TMTC2: variants seen among roughly 807,000 people sequenced by gnomAD.
The protein encoded by TMTC2 is transmembrane O-mannosyltransferase targeting cadherins 2, also known as protein O-mannosyl-transferase TMTC2.
A neutral mutation model predicts 82.4 loss-of-function variants in TMTC2; 43 were observed. The ratio of observed to expected loss-of-function variants is 0.52; its 90% CI spans 0.41 to 0.67. TMTC2 has a LOEUF of 0.67. TMTC2 is among the 30% of genes least tolerant of loss of function. TMTC2 has a pLI of 0.00. For synonymous variants in TMTC2, 408 were observed against 381.9 expected, an observed-to-expected ratio of 1.07 and a Z score of -0.80; for missense variants, 919 against 1,012.4, an observed-to-expected ratio of 0.91 and a Z score of 1.25.
intron 1 of TMTC2, among the ~76,000 whole-genome samples, chr12:82,795,571 G>T (rs529844898): frequency 2.1e-4 from 32 of 152,042 alleles, no homozygotes; most frequent in African/African-American, 7.0e-4. Flanking sequence ...TGACAATATG[G>T]TACTAAGAGA....
intron 1 of TMTC2, among the ~76,000 whole-genome samples, chr12:82,797,642 T>A (rs2137031225): frequency 6.6e-6 from 1 of 152,230 alleles, no homozygotes; most frequent in East Asian, 1.9e-4. Flanking sequence ...CTGAATTAGA[T>A]GTTAAATCAA....
intron 8 of TMTC2, among the ~76,000 whole-genome samples, chr12:82,997,354 A>ATATATATATATGTG (rs1879688731): frequency 1.7e-4 from 5 of 28,894 alleles, no homozygotes; most frequent in African/African-American, 5.2e-4. Context: ...GTGTGTATAT[A>ATATATATATATGTG]TATATATATA....
chr12:82,719,015 G>T (rs910914283), intron 1 of TMTC2, among the ~76,000 whole-genome samples: 1 of 140,086 alleles, frequency 7.1e-6, no homozygotes, highest in Non-Finnish European at 1.5e-5. Context: ...AAAACTGGGT[G>T]CTAGTATATA....
In TMTC2 at chr12:82,896,237, G is replaced by A. The variant is rs1442695580; in HGVS notation, c.1074G>A (p.Val358=). 1.2e-6 allele frequency: 2 copies of A among 1,613,978 alleles called. No homozygotes were observed. The highest frequency in any genetic ancestry group is 1.7e-6 in the Non-Finnish European group (2 of 1,180,008). The change falls in exon 3 of 12, where the codon GTG becomes GTA. Residue 358 remains valine (V), a synonymous_variant. Transcript: ENST00000321196. ...ATGGACATAGCTGCCTTTCAGATGT[G>A]GAGTACCAGAACTCAGAGACTAAGT... ...NANGHSCLSD[V]EYQNSETKSS...
chr12:82,925,671 G>C (rs976548759), intron 3 of TMTC2, among the ~76,000 whole-genome samples: 1 of 152,078 alleles, frequency 6.6e-6, no homozygotes, highest in African/African-American at 2.4e-5. Flanking sequence ...GGTAATCTGT[G>C]ATGTCTGATG....
chr12:83,078,803 A>T (rs1394733021), intron 11 of TMTC2, among the ~76,000 whole-genome samples: 1 of 152,182 alleles, frequency 6.6e-6, no homozygotes, highest in Non-Finnish European at 1.5e-5. Context: ...AATGACTCTG[A>T]GATGCTGCTT....
intron 4 of TMTC2, among the ~76,000 whole-genome samples, chr12:82,935,056 A>G (rs1361705123): frequency 2.0e-5 from 3 of 152,172 alleles, no homozygotes; most frequent in African/African-American, 7.2e-5. Context: ...TTAGAATTAA[A>G]TCTATTAGAG....
chr12:83,071,703 G>T (rs191106444), intron 11 of TMTC2, among the ~76,000 whole-genome samples: 9 of 151,938 alleles, frequency 5.9e-5, no homozygotes, highest in African/African-American at 2.2e-4. Context: ...GTCTGTTTAG[G>T]GTATCTAATT....
At chr12:82,844,335 C>A (rs1870511041) in intron 1 of TMTC2, among the ~76,000 whole-genome samples, 1 of 152,196 alleles carries the variant, frequency 6.6e-6, no homozygotes, top group Admixed American at 6.5e-5. Flanking sequence ...AGTATTTTAA[C>A]TGGGTGTATT....
intron 9 of TMTC2, among the ~76,000 whole-genome samples, chr12:83,047,430 A>C (rs1349176907): frequency 6.6e-6 from 1 of 152,212 alleles, no homozygotes; most frequent in Non-Finnish European, 1.5e-5. Flanking sequence ...ATTTCAATGT[A>C]ATGTAGCAGA....
At chr12:83,011,501 T>C (rs1211620730) in intron 8 of TMTC2, among the ~76,000 whole-genome samples, 2 of 152,242 alleles carry the variant, frequency 1.3e-5, no homozygotes, top group African/African-American at 4.8e-5. Context: ...TTGTTATCAT[T>C]GTTATTTATG....
chr12:83,007,750 G>T (rs574080178), intron 8 of TMTC2, among the ~76,000 whole-genome samples: 27 of 152,024 alleles, frequency 1.8e-4, no homozygotes, highest in Middle Eastern at 6.8e-3. Flanking sequence ...ATAGATCCAA[G>T]TCTCTGATAT....
intron 11 of TMTC2, among the ~76,000 whole-genome samples, chr12:83,120,046 G>C (rs1884897961): frequency 6.6e-6 from 1 of 152,168 alleles, no homozygotes; most frequent in Admixed American, 6.5e-5. Flanking sequence ...TGAGTCTCTT[G>C]AAGACAGCAG....
chr12:82,867,543 CTAAATA>C (rs1565784819), intron 2 of TMTC2, among the ~76,000 whole-genome samples: 2 of 152,054 alleles, frequency 1.3e-5, no homozygotes, highest in African/African-American at 2.4e-5. Context: ...CAAACTGTTG[CTAAATA>C]TAAAGTACAA....
intron 3 of TMTC2, among the ~76,000 whole-genome samples, chr12:82,919,575 A>C (rs1015097115): frequency 6.6e-6 from 1 of 152,200 alleles, no homozygotes; most frequent in Non-Finnish European, 1.5e-5. Flanking sequence ...GTATAGAGGC[A>C]AATTCCTTCC....
At chr12:83,046,818 A>G (rs1882158134) in intron 9 of TMTC2, among the ~76,000 whole-genome samples, 1 of 152,192 alleles carries the variant, frequency 6.6e-6, no homozygotes, top group Non-Finnish European at 1.5e-5. Flanking sequence ...ACATTCTGCC[A>G]CATGTACTAA....
chr12:83,042,474 AACTT>A (rs1342932905), intron 9 of TMTC2, among the ~76,000 whole-genome samples: 2 of 152,164 alleles, frequency 1.3e-5, no homozygotes, highest in Non-Finnish European at 2.9e-5. Context: ...GCCCATCATG[AACTT>A]ACTTTCTCTT....
intron 1 of TMTC2, among the ~76,000 whole-genome samples, chr12:82,743,003 G>C (rs914160268): frequency 6.6e-6 from 1 of 152,036 alleles, no homozygotes; most frequent in African/African-American, 2.4e-5. Flanking sequence ...TATCTTATTT[G>C]CTGTCTTTGT....
At chr12:82,893,100 G>C (rs748737089) in intron 2 of TMTC2, among the ~76,000 whole-genome samples, 1 of 152,046 alleles carries the variant, frequency 6.6e-6, no homozygotes. Context: ...GGCCAGTCAC[G>C]GTGGCTCACG....
Sources: gnomAD v4.1 joint callset for allele counts (sites outside exome capture counted in the v4.1 genomes callset) on GRCh38, gnomAD v4.1.1 for gene constraint, MANE v1.5 for transcripts, NCBI Gene and HGNC (gene_info 2026-07-23, HGNC 2026-07-21) for gene names.